Variants in ELP3 observed in about 807,000 individuals in gnomAD.
ELP3 encodes the protein elongator acetyltransferase complex subunit 3.
ELP3 carries 56 observed loss-of-function variants against 74.9 expected under a neutral mutation model. The ratio of observed to expected loss-of-function variants is 0.75; its 90% CI spans 0.60 to 0.93. The LOEUF (loss-of-function observed/expected upper bound fraction) is 0.93, where lower values mean the gene tolerates loss of function less well. Among genes scored for constraint, ELP3 ranks in the 40% least tolerant of loss-of-function variants. The pLI is 0.00. For synonymous variants in ELP3, 222 were observed against 239.8 expected, an observed-to-expected ratio of 0.93 and a Z score of 0.68; for missense variants, 573 against 686.5, an observed-to-expected ratio of 0.83 and a Z score of 1.85.
At position 28,104,943 on chromosome 8, in the gene ELP3, G is replaced by A. The variant is rs1811628780; in HGVS notation, c.259-1770G>A. ...GAAGGAATTAATGGTTTCCTATTTGGTGGGTTATCATCTGTTACTATTTAT... is the reference window on the plus strand; with the variant it reads ...GAAGGAATTAATGGTTTCCTATTTGATGGGTTATCATCTGTTACTATTTAT... On this transcript the variant is annotated intron_variant, in intron 3 of 14. Coordinates refer to ENST00000256398, the MANE Select transcript of ELP3 (RefSeq NM_018091.6). Among the ~76,000 whole-genome samples the A allele has an allele frequency of 2.0e-5, 3 of 152,174 alleles. No individual in the cohort carries two copies. The South Asian group carries it at 6.2e-4, about 31-fold the overall frequency.
At chr8:28,174,600 A>G (rs1364380711) in intron 14 of ELP3, among the ~76,000 whole-genome samples, 1 of 152,128 alleles carries the variant, frequency 6.6e-6, no homozygotes, top group Non-Finnish European at 1.5e-5. Flanking sequence ...TTACCTGTGT[A>G]TCCATTAACC....
upstream of ELP3, chr8:28,092,831 C>T (rs1049909871): frequency 2.6e-4 from 61 of 231,362 alleles, 1 homozygote; most frequent in Admixed American, 1.5e-3. Flanking sequence ...CTCCCACTCC[C>T]CCCCATGAGA....
intron 3 of ELP3, among the ~76,000 whole-genome samples, chr8:28,103,431 G>A (rs969700776): frequency 1.3e-5 from 2 of 152,020 alleles, no homozygotes; most frequent in South Asian, 2.1e-4. Flanking sequence ...TTGTACGGAT[G>A]TACCACTATT....
intron 10 of ELP3, among the ~76,000 whole-genome samples, chr8:28,154,542 A>G (rs1813756543): frequency 6.6e-6 from 1 of 152,200 alleles, no homozygotes; most frequent in Non-Finnish European, 1.5e-5. Context: ...CACATATTTA[A>G]TAATTTATAT....
intron 14 of ELP3, among the ~76,000 whole-genome samples, chr8:28,171,603 T>G (rs1814529956): frequency 6.6e-6 from 1 of 152,182 alleles, no homozygotes; most frequent in African/African-American, 2.4e-5. Flanking sequence ...TTCCATTCTG[T>G]GGGTTGCCTT....
intron 3 of ELP3, among the ~76,000 whole-genome samples, chr8:28,102,224 T>A (rs561592095): frequency 1.3e-5 from 2 of 152,342 alleles, no homozygotes; most frequent in South Asian, 4.1e-4. Context: ...CAGTTAGGCA[T>A]CTGTCCTTTG....
chr8:28,095,040 C>T (rs1811199968), intron 1 of ELP3, among the ~76,000 whole-genome samples: 1 of 152,196 alleles, frequency 6.6e-6, no homozygotes, highest in Non-Finnish European at 1.5e-5. Context: ...TGCCTAGTGG[C>T]CAGGGTCCCC....
intron 14 of ELP3, among the ~76,000 whole-genome samples, chr8:28,172,204 A>T (rs1814556738): frequency 6.6e-6 from 1 of 152,026 alleles, no homozygotes. Flanking sequence ...TGGGATTTTG[A>T]TAGGGATTGC....
At chr8:28,185,180 G>C (rs1815188973) in intron 14 of ELP3, among the ~76,000 whole-genome samples, 2 of 152,156 alleles carry the variant, frequency 1.3e-5, no homozygotes, top group Non-Finnish European at 2.9e-5. Flanking sequence ...AAGATTTGGG[G>C]CAGTTTTTGT....
chr8:28,145,517 G>A (rs1813397233), intron 10 of ELP3, among the ~76,000 whole-genome samples: 1 of 152,216 alleles, frequency 6.6e-6, no homozygotes, highest in Admixed American at 6.5e-5. Context: ...TAGAAAATCT[G>A]CATAGCCTCC....
At chr8:28,172,151 T>C (rs1814555059) in intron 14 of ELP3, among the ~76,000 whole-genome samples, 1 of 152,124 alleles carries the variant, frequency 6.6e-6, no homozygotes, top group South Asian at 2.1e-4. Context: ...AAATTCCATA[T>C]GATTTTTCAC....
At chr8:28,150,106 G>T (rs977079471) in intron 10 of ELP3, among the ~76,000 whole-genome samples, 1 of 151,950 alleles carries the variant, frequency 6.6e-6, no homozygotes, top group Non-Finnish European at 1.5e-5. Context: ...CTCCTGTCCT[G>T]TGTGTCATTG....
At chr8:28,106,639 C>T (rs1453518719) in intron 3 of ELP3, 74 bp from the exon 4 acceptor site, 87 of 1,278,436 alleles carry the variant, frequency 6.8e-5, no homozygotes, top group Non-Finnish European at 8.6e-5. Context: ...TCCTTCCTTC[C>T]GAGGGATAAG....
At chr8:28,120,507 T>C (rs1453141024) in intron 7 of ELP3, among the ~76,000 whole-genome samples, 1 of 152,268 alleles carries the variant, frequency 6.6e-6, no homozygotes, top group East Asian at 1.9e-4. Flanking sequence ...TTTGGCTGTT[T>C]GTTATGTTAA....
At chr8:28,158,295 A>G (rs1417938117) in intron 11 of ELP3, among the ~76,000 whole-genome samples, 1 of 152,112 alleles carries the variant, frequency 6.6e-6, no homozygotes, top group Non-Finnish European at 1.5e-5. Context: ...TATATTATAT[A>G]TTGATCTTTT....
intron 8 of ELP3, among the ~76,000 whole-genome samples, chr8:28,130,585 G>T (rs560906446): frequency 2.0e-5 from 3 of 152,328 alleles, no homozygotes. Flanking sequence ...TAACCGAATA[G>T]GATGCTCTTA....
chr8:28,091,762 T>A (rs1354606093), upstream of ELP3, among the ~76,000 whole-genome samples: 2 of 152,204 alleles, frequency 1.3e-5, no homozygotes, highest in African/African-American at 2.4e-5. Flanking sequence ...AGGTTTATTC[T>A]GCCAAGGTTG....
At chr8:28,152,480 T>G (rs1813678459) in intron 10 of ELP3, among the ~76,000 whole-genome samples, 1 of 152,238 alleles carries the variant, frequency 6.6e-6, no homozygotes, top group Non-Finnish European at 1.5e-5. Flanking sequence ...GTCTTTTTCC[T>G]TTGTCACTTG....
chr8:28,095,411 C>T (rs1376422863), intron 1 of ELP3, among the ~76,000 whole-genome samples: 1 of 152,220 alleles, frequency 6.6e-6, no homozygotes, highest in Non-Finnish European at 1.5e-5. Flanking sequence ...GAGACCTCCT[C>T]CTTTTTTTCC....
Sources: gnomAD v4.1 joint callset for allele counts (sites outside exome capture counted in the v4.1 genomes callset) on GRCh38, gnomAD v4.1.1 for gene constraint, MANE v1.5 for transcripts, NCBI Gene and HGNC (gene_info 2026-07-23, HGNC 2026-07-21) for gene names.